The following ACADL variants were observed in gnomAD, a reference collection of about 807,000 sequenced individuals.
ACADL encodes acyl-CoA dehydrogenase long chain.
In ACADL, 60 loss-of-function variants were observed where a neutral mutation model predicts 56.9. That is an observed-to-expected ratio of 1.05 (90% CI 0.86 to 1.31). The LOEUF (loss-of-function observed/expected upper bound fraction) is 1.31, where lower values mean the gene tolerates loss of function less well. Among genes scored for constraint, ACADL ranks in the 50% most tolerant of loss-of-function variants. The pLI is 0.00. For missense variants in ACADL, 484 were observed against 525.5 expected (o/e 0.92, Z 0.77); for synonymous variants, 158 against 179.7 (o/e 0.88, Z 0.97).
intron 9 of ACADL, 68 bp from the exon 10 acceptor site, chr2:210,192,958 C>A: frequency 1.7e-6 from 2 of 1,180,222 alleles, no homozygotes; most frequent in Admixed American, 1.7e-5. Flanking sequence ...GCTTCAAAAC[C>A]AGAAAACTAA....
At chr2:210,189,672 C>A (rs1423201117) in intron 10 of ACADL, among the ~76,000 whole-genome samples, 3 of 151,834 alleles carry the variant, frequency 2.0e-5, no homozygotes, top group East Asian at 1.9e-4. Flanking sequence ...AAAAAAAAAA[C>A]CCAAATATCA....
chr2:210,217,843 T>A, intron 3 of ACADL, 122 bp downstream of exon 3: 1 of 1,350,580 alleles, frequency 7.4e-7, no homozygotes, highest in Non-Finnish European at 1.1e-6. Context: ...CATTTTACAC[T>A]GAATTTTCAA....
At chr2:210,197,886 A>G (rs971921404) in intron 8 of ACADL, among the ~76,000 whole-genome samples, 6 of 152,204 alleles carry the variant, frequency 3.9e-5, no homozygotes, top group Admixed American at 6.5e-5. Flanking sequence ...AATGTCTCCA[A>G]GAGTACATAA....
intron 5 of ACADL, among the ~76,000 whole-genome samples, chr2:210,208,022 C>A (rs141520372): frequency 6.6e-6 from 1 of 152,254 alleles, no homozygotes; most frequent in African/African-American, 2.4e-5. Context: ...TACACGACTC[C>A]CTTGCTCAAA....
chr2:210,220,739 T>C lies in ACADL; in HGVS notation c.141A>G (p.Ile47Met). The change falls in exon 2 of 11, where the codon ATA becomes ATG. Residue 47 changes from isoleucine (I) to methionine (M), a missense_variant. Ile to Met is a conservative substitution (Grantham distance 10). Coordinates refer to ENST00000233710, the MANE Select transcript of ACADL (RefSeq NM_001608.4). ...ETPSAKKLTDIGIRRIFSPEH... is the reference protein window; with the variant it reads ...ETPSAKKLTDMGIRRIFSPEH... ...CTGGAGAAAAGATTCTTCGAATTCC[T>C]ATATCTGTTAATTTTTTAGCAGAAG... 1.2e-6 allele frequency: 2 copies of C among 1,612,856 alleles called. No individual in the cohort carries two copies. Among genetic ancestry groups the C allele is most frequent in the Non-Finnish European group, 1.7e-6 (2 of 1,179,394 alleles).
rs1166909640 is a variant in ACADL at position 210,225,186 on chromosome 2, C to T, written c.77+1G>A. The T allele has an allele frequency of 2.0e-6, 3 of 1,532,656 alleles. No individual in the cohort carries two copies. The highest frequency in any genetic ancestry group is 2.2e-4 in the Middle Eastern group (1 of 4,496). The allele number at this position is 1,532,656 out of a possible 1,614,324, so 94.9% of individuals were successfully genotyped here. A position where few individuals can be genotyped will look rare whatever the true frequency, so the allele number is the denominator to read the frequency against. On this transcript the variant is annotated splice_donor_variant, in intron 1 of 10. Transcript: ENST00000233710. LOFTEE classifies it high-confidence loss of function. ...CCGCGGAAGTCCCGGCTGGCACTCA[C>T]CGCGCGGCGGGCAGCTGGCGCGGCG...
Position 210,225,284 on chromosome 2 carries a change from G to T in ACADL, c.-21C>A, listed in dbSNP as rs1247754561. On this transcript the variant is annotated 5_prime_UTR_variant, in exon 1 of 11. Coordinates refer to ENST00000233710, the MANE Select transcript of ACADL (RefSeq NM_001608.4). The stretch of plus-strand genomic sequence containing the variant: ...GCCATGTCCGAAACACAGGGGCGGC[G>T]GGGCGACGGAGGCGACTCTGCGGCT... 2.6e-6 allele frequency: 4 copies of T among 1,547,164 alleles called. No individual in the cohort carries two copies. Among genetic ancestry groups the T allele is most frequent in the South Asian group, 1.2e-5 (1 of 84,388 alleles).
intron 4 of ACADL, among the ~76,000 whole-genome samples, chr2:210,210,698 C>A: frequency 6.6e-6 from 1 of 152,174 alleles, no homozygotes; most frequent in Non-Finnish European, 1.5e-5. Flanking sequence ...ATAATCCCAG[C>A]ACCTTGGGAT....
intron 10 of ACADL, among the ~76,000 whole-genome samples, chr2:210,190,108 C>G (rs1688608219): frequency 6.6e-6 from 1 of 151,928 alleles, no homozygotes. Flanking sequence ...AATGTGCCAG[C>G]TCTCTAGGAA....
rs1027782769 is a variant in ACADL at position 210,220,682 on chromosome 2, C to T, written c.198G>A (p.Lys66=). ...EHDIFRKSVR[K]FFQEEVIPHH... is the part of the protein sequence containing the mutation. ...GAGGAATCACTTCTTCTTGGAAAAA[C>T]TTCCTTACACTTTTCCGGAAAATGT... Residue 66 remains lysine (K), a synonymous_variant, in exon 2 of 11, where the codon AAG becomes AAA. Transcript: ENST00000233710. The T allele has an allele frequency of 6.2e-7, 1 of 1,613,506 alleles. No individual in the cohort carries two copies. The highest frequency in any genetic ancestry group is 8.5e-7 in the Non-Finnish European group (1 of 1,179,744).
chr2:210,210,326 T>C, intron 4 of ACADL, 64 bp from the exon 5 acceptor site: 1 of 1,203,328 alleles, frequency 8.3e-7, no homozygotes. Context: ...ACAAATGATA[T>C]AAGTATGTAT....
At position 210,195,194 on chromosome 2, in the gene ACADL, T is replaced by C; in HGVS notation, c.1112+17A>G. 1.2e-6 allele frequency: 2 copies of C among 1,613,742 alleles called. No individual in the cohort carries two copies. The highest frequency in any genetic ancestry group is 1.7e-6 in the Non-Finnish European group (2 of 1,179,788). ...GTCTGAGCACACACCGCACTCTAAT[T>C]ACTGTAGCATGCATACCAATATTTC... On this transcript the variant is annotated intron_variant, in intron 9 of 10. Transcript: ENST00000233710.
chr2:210,212,605 T>C (rs1575678738), intron 4 of ACADL, among the ~76,000 whole-genome samples: 1 of 152,332 alleles, frequency 6.6e-6, no homozygotes, highest in Non-Finnish European at 1.5e-5. Context: ...CTCTGCTAAT[T>C]TGTCACAGAC....
chr2:210,192,207 C>T (rs1180016902), intron 10 of ACADL, among the ~76,000 whole-genome samples: 1 of 148,968 alleles, frequency 6.7e-6, no homozygotes, highest in Admixed American at 6.7e-5. Flanking sequence ...TAGTATTTGG[C>T]CGGATGCAGT....
At chr2:210,200,678 TC>T (rs1290247161) in intron 8 of ACADL, among the ~76,000 whole-genome samples, 1 of 152,184 alleles carries the variant, frequency 6.6e-6, no homozygotes, top group African/African-American at 2.4e-5. Flanking sequence ...GTTTGTTATG[TC>T]AATAAGAAAA....
chr2:210,218,182 T>A, intron 2 of ACADL, 80 bp from the exon 3 acceptor site: 3 of 1,357,748 alleles, frequency 2.2e-6, no homozygotes, highest in Non-Finnish European at 3.1e-6. Flanking sequence ...TATGAATGAT[T>A]TTGTGTAGAA....
chr2:210,225,254 G>A lies in ACADL; in HGVS notation c.10C>T (p.Arg4Cys), dbSNP rs1309718579. ...ACGCGTAGGGACCCTCGGAGAAGGC[G>A]TGCGGCCATGTCCGAAACACAGGGG... Reference protein sequence around the residue: MAARLLRGSLRVLG... With the variant: MAACLLRGSLRVLG... Residue 4 changes from arginine to cysteine, a missense_variant, in exon 1 of 11, where the codon CGC (arginine) becomes TGC (cysteine). Physicochemically the swap from Arg to Cys is radical, Grantham distance 180. Transcript: ENST00000233710. 3 of 1,557,240 alleles carry A rather than the reference G, an allele frequency of 1.9e-6. No homozygotes were observed. In the South Asian group the frequency reaches 3.5e-5, roughly 18 times the overall value.
At chr2:210,210,576 C>T (rs1688963070) in intron 4 of ACADL, among the ~76,000 whole-genome samples, 1 of 152,126 alleles carries the variant, frequency 6.6e-6, no homozygotes, top group Non-Finnish European at 1.5e-5. Flanking sequence ...TCACTGTATC[C>T]CTGAGATTAC....
intron 4 of ACADL, among the ~76,000 whole-genome samples, chr2:210,214,479 G>GAA (rs1162884305): frequency 6.8e-6 from 1 of 147,618 alleles, no homozygotes; most frequent in African/African-American, 2.6e-5. Context: ...AAGAAAGAAA[G>GAA]AAAGAAAGAA....
Sources: gnomAD v4.1 joint callset for allele counts (sites outside exome capture counted in the v4.1 genomes callset) on GRCh38, gnomAD v4.1.1 for gene constraint, MANE v1.5 for transcripts, NCBI Gene and HGNC (gene_info 2026-07-23, HGNC 2026-07-21) for gene names.